SYNJ1: variants seen among roughly 807,000 people sequenced by gnomAD.
SYNJ1 encodes the protein synaptojanin 1.
A neutral mutation model predicts 168.2 loss-of-function variants in SYNJ1; 78 were observed. The ratio of observed to expected loss-of-function variants is 0.46; its 90% confidence interval spans 0.39 to 0.56. The LOEUF is 0.56. SYNJ1 is among the 20% of genes least tolerant of loss of function. The pLI is 0.00. For synonymous variants in SYNJ1, 539 were observed against 548.6 expected (o/e 0.98, Z 0.24); for missense variants, 1,303 against 1,597.6 (o/e 0.82, Z 3.14).
chr21:32,649,476 A>G (rs1373235037), intron 23 of SYNJ1, among the ~76,000 whole-genome samples: 1 of 152,240 alleles, frequency 6.6e-6, no homozygotes, highest in Non-Finnish European at 1.5e-5. Flanking sequence ...TAATGTTGCC[A>G]TCAAACAAAT....
chr21:32,702,097 C>A (rs766834038), intron 2 of SYNJ1, 50 bp from the exon 3 acceptor site: 3 of 1,292,996 alleles, frequency 2.3e-6, no homozygotes, highest in Non-Finnish European at 3.3e-6. Context: ...ACATTGGATT[C>A]TATTTAGCTA....
intron 2 of SYNJ1, among the ~76,000 whole-genome samples, chr21:32,707,681 T>A (rs565803553): frequency 4.8e-4 from 73 of 152,244 alleles, no homozygotes; most frequent in African/African-American, 1.7e-3. Flanking sequence ...ACAGAGACTC[T>A]GAATGGAACA....
Position 32,726,819 on chromosome 21 carries a change from T to A in SYNJ1, c.77A>T (p.His26Leu), listed in dbSNP as rs766887493. 1 of 1,614,228 alleles carries A rather than the reference T, an allele frequency of 6.2e-7. No homozygotes were observed. The highest frequency in any genetic ancestry group is 8.5e-7 in the Non-Finnish European group (1 of 1,180,048). Residue 26 changes from histidine to leucine, a missense_variant, in exon 2 of 33, where the codon CAT becomes CTT. By Grantham distance (99) the His-to-Leu change is moderately conservative (BLOSUM62 -3). Coordinates refer to ENST00000674351, the MANE Select transcript of SYNJ1 (RefSeq NM_203446.3). ...CTCGAACATGAGACATTCTTCCTTA[T>A]GCCTAGTTTCCACTATGAGGCTGAA... ...PPFSLIVETR[H>L]KEECLMFESG...
chr21:32,642,930 G>C (rs1195181926), intron 27 of SYNJ1, among the ~76,000 whole-genome samples: 1 of 152,046 alleles, frequency 6.6e-6, no homozygotes, highest in East Asian at 1.9e-4. Flanking sequence ...AGTCTTAAAG[G>C]TCTTTTAAAC....
chr21:32,697,242 T>C (rs2042243281), intron 4 of SYNJ1, among the ~76,000 whole-genome samples: 1 of 152,226 alleles, frequency 6.6e-6, no homozygotes, highest in South Asian at 2.1e-4. Flanking sequence ...TCTGCCACTC[T>C]TTGGCTACAA....
chr21:32,699,807 C>T lies in SYNJ1; in HGVS notation c.479+31G>A, dbSNP rs373102710. ...AACAACTGCTGAACATATTATGTCC[C>T]AAATCACCAAAAGGGAAAAAATGAA... On this transcript the variant is annotated intron_variant, in intron 4 of 32. Transcript: ENST00000674351. 1.9e-6 allele frequency: 3 copies of T among 1,592,960 alleles called. No homozygotes were observed. The African/African-American group carries it at 4.1e-5, about 22-fold the overall frequency.
At chr21:32,650,646 A>G (rs1416214595) in intron 22 of SYNJ1, among the ~76,000 whole-genome samples, 1 of 152,246 alleles carries the variant, frequency 6.6e-6, no homozygotes, top group Non-Finnish European at 1.5e-5. Context: ...AAATTCACCA[A>G]CAACTCTGCT....
At chr21:32,701,844 C>T in intron 3 of SYNJ1, 117 bp downstream of exon 3, 1 of 689,682 alleles carries the variant, frequency 1.4e-6, no homozygotes, top group Non-Finnish European at 2.3e-6. Flanking sequence ...AAGATGTTAG[C>T]ACATGTGTAG....
At chr21:32,715,596 C>T (rs2146336750) in intron 2 of SYNJ1, among the ~76,000 whole-genome samples, 1 of 152,050 alleles carries the variant, frequency 6.6e-6, no homozygotes, top group East Asian at 1.9e-4. Context: ...TACAGCAATC[C>T]TATGGTCCAC....
chr21:32,669,497 G>A (rs2041095416), intron 15 of SYNJ1, among the ~76,000 whole-genome samples: 1 of 152,158 alleles, frequency 6.6e-6, no homozygotes, highest in African/African-American at 2.4e-5. Flanking sequence ...ATTTGGAAGT[G>A]CTACATAACT....
chr21:32,654,730 C>T (rs1696743934), intron 21 of SYNJ1, among the ~76,000 whole-genome samples: 1 of 152,178 alleles, frequency 6.6e-6, no homozygotes, highest in Non-Finnish European at 1.5e-5. Flanking sequence ...ATATTTTCTT[C>T]CTGCTTTCAC....
intron 9 of SYNJ1, 58 bp downstream of exon 9, chr21:32,685,690 A>C (rs1373843518): frequency 1.5e-6 from 2 of 1,314,384 alleles, no homozygotes; most frequent in Admixed American, 5.6e-5. Flanking sequence ...GTTCAACGTT[A>C]AGAATAATTT....
At chr21:32,718,314 G>A (rs2043096840) in intron 2 of SYNJ1, among the ~76,000 whole-genome samples, 1 of 152,092 alleles carries the variant, frequency 6.6e-6, no homozygotes, top group Non-Finnish European at 1.5e-5. Context: ...TTGACCCTAG[G>A]TCAATCCTAC....
At chr21:32,684,807 G>C (rs1169713866) in intron 9 of SYNJ1, among the ~76,000 whole-genome samples, 1 of 152,180 alleles carries the variant, frequency 6.6e-6, no homozygotes, top group Non-Finnish European at 1.5e-5. Context: ...TCTAACACTT[G>C]CTAATTATGA....
At position 32,636,480 on chromosome 21, in the gene SYNJ1, A is replaced by G. The variant is rs758184207; in HGVS notation, c.3916-1596T>C. ...ATAGGATAAGTAAAGACTTGTAAAA[A>G]TTACAAATGTTCAATTCTAAAACTA... On this transcript the variant is annotated intron_variant, in intron 31 of 32. Transcript: ENST00000674351. Among the ~76,000 whole-genome samples, 3 of 152,226 alleles carry G rather than the reference A, an allele frequency of 2.0e-5. 1 individual carries two copies. The highest frequency in any genetic ancestry group is 4.1e-4 in the South Asian group (2 of 4,828).
chr21:32,636,509 C>T (rs1051823042), intron 31 of SYNJ1, among the ~76,000 whole-genome samples: 11 of 152,126 alleles, frequency 7.2e-5, no homozygotes, highest in African/African-American at 2.4e-4. Flanking sequence ...AAAACTATTT[C>T]ATGTCATTAC....
At chr21:32,696,499 A>G (rs2042218551) in intron 4 of SYNJ1, among the ~76,000 whole-genome samples, 1 of 152,194 alleles carries the variant, frequency 6.6e-6, no homozygotes, top group Non-Finnish European at 1.5e-5. Context: ...TCCACAGAAC[A>G]TATAAAGAAG....
chr21:32,709,477 C>CAA (rs35527256), intron 2 of SYNJ1, among the ~76,000 whole-genome samples: 51 of 39,410 alleles, frequency 1.3e-3, no homozygotes, highest in African/African-American at 4.4e-3. Flanking sequence ...GACTCTGTCT[C>CAA]AAAAAAAAAA....
At chr21:32,651,044 C>T (rs186685568) in intron 22 of SYNJ1, among the ~76,000 whole-genome samples, 4 of 152,198 alleles carry the variant, frequency 2.6e-5, no homozygotes, top group Admixed American at 6.5e-5. Flanking sequence ...TATAGCAGAT[C>T]GTGTCAATGT....
Sources: allele counts gnomAD v4.1 joint callset (sites outside exome capture counted in the v4.1 genomes callset), GRCh38; gene constraint gnomAD v4.1.1; transcripts MANE v1.5; gene names NCBI Gene and HGNC (gene_info 2026-07-23, HGNC 2026-07-21).